The following FHIT variants were observed in gnomAD, a reference collection of about 807,000 sequenced individuals.
FHIT encodes the protein bis(5'-adenosyl)-triphosphatase.
FHIT carries 19 observed loss-of-function variants against 17.9 expected under a neutral mutation model. The ratio of observed to expected loss-of-function variants is 1.06; its 90% confidence interval spans 0.74 to 1.56. The LOEUF (loss-of-function observed/expected upper bound fraction) is 1.56. Ranked by LOEUF, FHIT falls within the 40% of genes most tolerant of loss-of-function variation. The pLI is 0.00. For synonymous variants in FHIT, 81 were observed against 69.7 expected (o/e 1.16, Z -0.81); for missense variants, 248 against 189.2 (o/e 1.31, Z -1.82).
At chr3:60,194,208 A>G (rs1702521878) in intron 5 of FHIT, among the ~76,000 whole-genome samples, 1 of 152,316 alleles carries the variant, frequency 6.6e-6, no homozygotes, top group Middle Eastern at 3.4e-3. Context: ...AATAGTAACC[A>G]AGACAGCATG....
At chr3:59,978,821 A>G (rs1050666168) in intron 7 of FHIT, among the ~76,000 whole-genome samples, 12 of 151,708 alleles carry the variant, frequency 7.9e-5, no homozygotes, top group Non-Finnish European at 1.6e-4. Context: ...CCTTAAAAAA[A>G]GGCTAAAACT....
chr3:60,635,963 T>TA (rs2039573722), intron 4 of FHIT, among the ~76,000 whole-genome samples: 1 of 152,190 alleles, frequency 6.6e-6, no homozygotes, highest in Non-Finnish European at 1.5e-5. Flanking sequence ...AATTTGGTCT[T>TA]AGTTTGTCAA....
intron 3 of FHIT, among the ~76,000 whole-genome samples, chr3:60,886,339 A>G (rs782484575): frequency 6.6e-6 from 1 of 152,358 alleles, no homozygotes; most frequent in South Asian, 2.1e-4. Flanking sequence ...AAAGTGATCC[A>G]ATATTCATGA....
At chr3:60,893,094 T>C (rs781869799) in intron 3 of FHIT, among the ~76,000 whole-genome samples, 3 of 152,166 alleles carry the variant, frequency 2.0e-5, no homozygotes, top group Non-Finnish European at 4.4e-5. Flanking sequence ...CTGGAAGGAC[T>C]CTCTGAAGCA....
intron 5 of FHIT, 40 bp downstream of exon 5, chr3:60,536,820 A>T (rs1286218520): frequency 1.3e-6 from 2 of 1,564,510 alleles, no homozygotes; most frequent in East Asian, 4.5e-5. Flanking sequence ...GGCTCAGAAG[A>T]CTTTTATTTT....
intron 5 of FHIT, among the ~76,000 whole-genome samples, chr3:60,220,566 AT>A (rs1318182763): frequency 6.6e-6 from 1 of 152,176 alleles, no homozygotes; most frequent in Non-Finnish European, 1.5e-5. Flanking sequence ...GGTATACAGT[AT>A]TTTTTAATAT....
chr3:61,163,925 G>C (rs1028026010), intron 2 of FHIT, among the ~76,000 whole-genome samples: 2 of 152,006 alleles, frequency 1.3e-5, no homozygotes, highest in Non-Finnish European at 2.9e-5. Context: ...CCTGGCAATG[G>C]AAAAGAAAAA....
chr3:61,218,775 G>A (rs145120561), intron 1 of FHIT, among the ~76,000 whole-genome samples: 161 of 152,192 alleles, frequency 1.1e-3, no homozygotes, highest in Middle Eastern at 6.8e-3. Flanking sequence ...CTACTTTATC[G>A]TGTGTTTATG....
chr3:61,055,407 T>C (rs545875622), intron 2 of FHIT, among the ~76,000 whole-genome samples: 2 of 152,180 alleles, frequency 1.3e-5, no homozygotes, highest in Non-Finnish European at 2.9e-5. Flanking sequence ...TTGAAATAAA[T>C]TTAATTTCTC....
chr3:60,030,607 C>G (rs1470562250), intron 5 of FHIT, among the ~76,000 whole-genome samples: 1 of 152,086 alleles, frequency 6.6e-6, no homozygotes, highest in Non-Finnish European at 1.5e-5. Flanking sequence ...ATTGAGAATG[C>G]AAACTGAAAT....
intron 2 of FHIT, among the ~76,000 whole-genome samples, chr3:61,139,089 G>C (rs943685974): frequency 4.0e-5 from 6 of 150,846 alleles, no homozygotes; most frequent in African/African-American, 7.3e-5. Context: ...GAGTGCAGTG[G>C]TGCGATCTCG....
At chr3:60,375,173 A>G (rs1700501164) in intron 5 of FHIT, among the ~76,000 whole-genome samples, 1 of 152,094 alleles carries the variant, frequency 6.6e-6, no homozygotes. Flanking sequence ...ATGCTTTTCA[A>G]TAATTGTGAG....
At chr3:60,864,529 A>G (rs1486988439) in intron 3 of FHIT, among the ~76,000 whole-genome samples, 2 of 152,148 alleles carry the variant, frequency 1.3e-5, no homozygotes, top group Non-Finnish European at 2.9e-5. Flanking sequence ...AAGAAACTGC[A>G]TTGGTAAAGC....
At chr3:60,431,872 G>A (rs993884656) in intron 5 of FHIT, among the ~76,000 whole-genome samples, 6 of 152,002 alleles carry the variant, frequency 3.9e-5, no homozygotes, top group South Asian at 2.1e-4. Context: ...GTGTGTATCC[G>A]TGGTCTCCTG....
chr3:60,104,831 A>C (rs754112753), intron 5 of FHIT, among the ~76,000 whole-genome samples: 5 of 152,132 alleles, frequency 3.3e-5, no homozygotes, highest in Non-Finnish European at 5.9e-5. Flanking sequence ...GAATCCAGGA[A>C]ACTTAGTTAC....
intron 4 of FHIT, among the ~76,000 whole-genome samples, chr3:60,626,240 C>T (rs2039282462): frequency 6.6e-6 from 1 of 152,092 alleles, no homozygotes; most frequent in Non-Finnish European, 1.5e-5. Context: ...TAGGATTATC[C>T]TGTCAAGTTT....
intron 8 of FHIT, among the ~76,000 whole-genome samples, chr3:59,773,958 T>A (rs1401925917): frequency 6.6e-6 from 1 of 152,238 alleles, no homozygotes; most frequent in Non-Finnish European, 1.5e-5. Context: ...TATTTCATGT[T>A]AATTACCTAC....
intron 4 of FHIT, among the ~76,000 whole-genome samples, chr3:60,625,781 A>G (rs782588680): frequency 6.6e-6 from 1 of 152,132 alleles, no homozygotes; most frequent in Non-Finnish European, 1.5e-5. Context: ...GTCTTTTTCC[A>G]TATGTTGTTA....
intron 5 of FHIT, among the ~76,000 whole-genome samples, chr3:60,106,026 G>A (rs951872638): frequency 2.0e-5 from 3 of 152,158 alleles, no homozygotes; most frequent in African/African-American, 7.2e-5. Context: ...GTTCTGAGTA[G>A]TGTGATGAAA....
Sources: gnomAD v4.1 joint callset for allele counts (sites outside exome capture counted in the v4.1 genomes callset) on GRCh38, gnomAD v4.1.1 for gene constraint, MANE v1.5 for transcripts, NCBI Gene and HGNC (gene_info 2026-07-23, HGNC 2026-07-21) for gene names.